The following TMEM65 variants were observed in gnomAD, a reference collection of about 807,000 sequenced individuals.
TMEM65 encodes transmembrane protein 65.
TMEM65 carries 22 observed loss-of-function variants against 25.4 expected under a neutral mutation model. The observed-to-expected ratio is 0.86, with a 90% CI of 0.62 to 1.23. The LOEUF (loss-of-function observed/expected upper bound fraction) is 1.23. Among genes scored for constraint, TMEM65 ranks in the 50% most tolerant of loss-of-function variants. TMEM65 has a pLI of 0.00. For synonymous variants in TMEM65, 132 were observed against 126.2 expected (o/e 1.05, Z -0.31); for missense variants, 262 against 308.2 (o/e 0.85, Z 1.12).
chr8:124,309,039 A>ATGAAGACAAGGAGGATGAAGACTTTT lies in TMEM65; in HGVS notation c.*4895_*4920dup, dbSNP rs1814126345. 1 of 152,396 alleles carries ATGAAGACAAGGAGGATGAAGACTTTT rather than the reference A, an allele frequency of 6.6e-6. No individual in the cohort carries two copies. The highest frequency in any genetic ancestry group is 1.5e-5 in the Non-Finnish European group (1 of 68,200). 9.4% of individuals were successfully genotyped at this position (152,396 alleles called of 1,614,324 possible). On this transcript the variant is annotated 3_prime_UTR_variant, in exon 7 of 7. Coordinates refer to ENST00000297632, the MANE Select transcript of TMEM65 (RefSeq NM_194291.3). ...CCTCCTCCACCTCAGCCTACTCAAC[A>ATGAAGACAAGGAGGATGAAGACTTTT]TGAAGACAAGGAGGATGAAGACTTT...
At chr8:124,335,854 T>C (rs1046974975) in intron 1 of TMEM65, among the ~76,000 whole-genome samples, 2 of 151,850 alleles carry the variant, frequency 1.3e-5, no homozygotes, top group Non-Finnish European at 2.9e-5. Flanking sequence ...AGAAAACAAA[T>C]AGCAAAATAG....
chr8:124,307,602 A>G lies in TMEM65; in HGVS notation c.*6358T>C, dbSNP rs1814107584. On this transcript the variant is annotated 3_prime_UTR_variant, in exon 7 of 7. Coordinates refer to ENST00000297632, the MANE Select transcript of TMEM65 (RefSeq NM_194291.3). ...CAAGAAAGACGTACCTATAGGCTCTAATATGATTGGAGAAAAGGCGGTCAT... is the reference window on the plus strand; with the variant it reads ...CAAGAAAGACGTACCTATAGGCTCTGATATGATTGGAGAAAAGGCGGTCAT... The G allele has an allele frequency of 6.6e-6, 1 of 152,168 alleles. No homozygotes were observed. The highest frequency in any genetic ancestry group is 2.4e-5 in the African/African-American group (1 of 41,408). The allele number at this position is 152,168 out of a possible 1,614,324, so 9.4% of individuals were successfully genotyped here.
chr8:124,314,386 G>A (rs1010704813), intron 6 of TMEM65, among the ~76,000 whole-genome samples: 6 of 151,998 alleles, frequency 3.9e-5, no homozygotes, highest in African/African-American at 1.5e-4. Context: ...TCTCTTTACC[G>A]CCATAGCCAC....
At chr8:124,336,755 A>C (rs926590033) in intron 1 of TMEM65, among the ~76,000 whole-genome samples, 10 of 151,990 alleles carry the variant, frequency 6.6e-5, no homozygotes, top group African/African-American at 2.4e-4. Context: ...CTACAGTTCC[A>C]TCTTAAGAAG....
chr8:124,340,135 T>C (rs1177873409), intron 1 of TMEM65, among the ~76,000 whole-genome samples: 1 of 152,168 alleles, frequency 6.6e-6, no homozygotes, highest in Non-Finnish European at 1.5e-5. Context: ...GTTGTAGCTA[T>C]CTGGGCAGGA....
intron 4 of TMEM65, among the ~76,000 whole-genome samples, chr8:124,322,653 C>G (rs1364249846): frequency 6.6e-6 from 1 of 151,686 alleles, no homozygotes; most frequent in Non-Finnish European, 1.5e-5. Flanking sequence ...GATTTTTCTA[C>G]CCAACTCAAG....
At chr8:124,366,727 T>TTTACTTGA (rs56017824) in intron 1 of TMEM65, among the ~76,000 whole-genome samples, 135,093 of 150,780 alleles carry the variant, frequency 0.9, 60,610 homozygotes, top group East Asian at 0.99. Flanking sequence ...AAAAAAAAAC[T>TTTACTTGA]TTACTTGATT....
chr8:124,308,118 T>C lies in TMEM65; in HGVS notation c.*5842A>G, dbSNP rs1485837553. 2 of 152,198 alleles carry C rather than the reference T, an allele frequency of 1.3e-5. No individual in the cohort carries two copies. Among genetic ancestry groups the C allele is most frequent in the Non-Finnish European group, 2.9e-5 (2 of 68,050 alleles). The allele number at this position is 152,198 out of a possible 1,614,324, so 9.4% of individuals were successfully genotyped here. A position where few individuals can be genotyped will look rare whatever the true frequency, so the allele number is the denominator to read the frequency against. ...GGACGACAAGAACCCTTTTTCTGGA[T>C]TGGCTCCATTGCTGTTTTGTCTTTG... On this transcript the variant is annotated 3_prime_UTR_variant, in exon 7 of 7. Coordinates refer to ENST00000297632, the MANE Select transcript of TMEM65 (RefSeq NM_194291.3).
At chr8:124,328,584 G>A (rs1814395346) in intron 2 of TMEM65, among the ~76,000 whole-genome samples, 1 of 152,060 alleles carries the variant, frequency 6.6e-6, no homozygotes, top group African/African-American at 2.4e-5. Flanking sequence ...TCCAGATTGG[G>A]AGAATTGAAG....
At chr8:124,351,323 A>C (rs936252453) in intron 1 of TMEM65, among the ~76,000 whole-genome samples, 1 of 152,190 alleles carries the variant, frequency 6.6e-6, no homozygotes, top group Admixed American at 6.5e-5. Context: ...GAAAAGTTGT[A>C]ATCATTCTGT....
At chr8:124,363,447 CCATTTTAAGT>C (rs997599657) in intron 1 of TMEM65, among the ~76,000 whole-genome samples, 1 of 152,098 alleles carries the variant, frequency 6.6e-6, no homozygotes, top group Non-Finnish European at 1.5e-5. Flanking sequence ...TTAACCATGA[CCATTTTAAGT>C]CATTTCCACA....
chr8:124,343,687 T>G (rs1244583075), intron 1 of TMEM65, among the ~76,000 whole-genome samples: 1 of 152,128 alleles, frequency 6.6e-6, no homozygotes, highest in East Asian at 1.9e-4. Context: ...GATGGCATCC[T>G]GGATGTGAAC....
At position 124,320,155 on chromosome 8, in the gene TMEM65, T is replaced by G; in HGVS notation, c.552A>C (p.Leu184Phe). 6.2e-7 allele frequency: 1 copy of G among 1,613,334 alleles called. No individual in the cohort carries two copies. Among genetic ancestry groups the G allele is most frequent in the Non-Finnish European group, 8.5e-7 (1 of 1,179,456 alleles). Residue 184 changes from leucine (L) to phenylalanine (F), a missense_variant, in exon 6 of 7, where the codon TTA becomes TTC. Physicochemically the swap from Leu to Phe is conservative, Grantham distance 22. Transcript: ENST00000297632. ...AGYVEALASR[L>F]GLSIPDLTPK... ...GTGTGAGATCAGGAATTGACAGGCCTAACCTGGAAGCCAATGCTTCAACGT... is the reference window on the plus strand; with the variant it reads ...GTGTGAGATCAGGAATTGACAGGCCGAACCTGGAAGCCAATGCTTCAACGT...
chr8:124,352,091 A>G (rs921479886), intron 1 of TMEM65, among the ~76,000 whole-genome samples: 1 of 152,210 alleles, frequency 6.6e-6, no homozygotes, highest in Non-Finnish European at 1.5e-5. Flanking sequence ...AAGAAAAGCA[A>G]TGTGATTGGT....
rs1311072821 is a variant in TMEM65, at chr8:124,311,285, A to T, written c.*2675T>A. The T allele has an allele frequency of 1.3e-5, 2 of 152,542 alleles. No individual in the cohort carries two copies. The highest frequency in any genetic ancestry group is 4.8e-5 in the African/African-American group (2 of 41,442). 9.4% of individuals were successfully genotyped at this position (152,542 alleles called of 1,614,324 possible). A position where few individuals can be genotyped will look rare whatever the true frequency, so the allele number is the denominator to read the frequency against. On this transcript the variant is annotated 3_prime_UTR_variant, in exon 7 of 7. Transcript: ENST00000297632. ...CTCAGTGACATTGCTGCCACCTTGT[A>T]ACAAATCCGTATTCATTAATCCTGT...
intron 6 of TMEM65, among the ~76,000 whole-genome samples, chr8:124,318,153 GT>G (rs1814260006): frequency 6.6e-6 from 1 of 151,938 alleles, no homozygotes; most frequent in African/African-American, 2.4e-5. Flanking sequence ...CAGAGGTTAG[GT>G]CCCTCACAGC....
At chr8:124,322,831 A>C (rs1814322099) in intron 4 of TMEM65, among the ~76,000 whole-genome samples, 1 of 152,070 alleles carries the variant, frequency 6.6e-6, no homozygotes, top group Non-Finnish European at 1.5e-5. Flanking sequence ...CCCCGTCTCT[A>C]CTAAAAATAC....
chr8:124,330,572 TTG>T (rs1393837262), intron 2 of TMEM65, among the ~76,000 whole-genome samples, 174 bp downstream of exon 2: 3 of 152,038 alleles, frequency 2.0e-5, no homozygotes, highest in African/African-American at 7.2e-5. Flanking sequence ...TTTTACAATA[TTG>T]TGTTACATCC....
chr8:124,320,586 T>G, intron 5 of TMEM65, among the ~76,000 whole-genome samples: 1 of 152,200 alleles, frequency 6.6e-6, no homozygotes, highest in East Asian at 1.9e-4. Flanking sequence ...CAAAGCACTT[T>G]AACATATGAT....
Sources: gnomAD v4.1 joint callset for allele counts (sites outside exome capture counted in the v4.1 genomes callset) on GRCh38, gnomAD v4.1.1 for gene constraint, MANE v1.5 for transcripts, NCBI Gene and HGNC (gene_info 2026-07-23, HGNC 2026-07-21) for gene names.